The following EPS8 variants were observed in gnomAD, a reference collection of about 807,000 sequenced individuals.
EPS8 encodes EGFR pathway substrate 8, signaling adaptor, also known as epidermal growth factor receptor kinase substrate 8.
Under a neutral mutation model 103.8 loss-of-function variants are expected in EPS8, and 42 were observed. That is an observed-to-expected ratio of 0.40 (90% CI 0.32 to 0.52). The LOEUF is 0.52. Ranked by LOEUF, EPS8 falls within the 20% of genes least tolerant of loss-of-function variation. EPS8 has a pLI of 0.40. For synonymous variants in EPS8, 344 were observed against 344.6 expected (o/e 1.00, Z 0.02); for missense variants, 969 against 1,005.1 (o/e 0.96, Z 0.49).
At chr12:15,707,185 C>T (rs1946398566) in intron 1 of EPS8, among the ~76,000 whole-genome samples, 1 of 152,138 alleles carries the variant, frequency 6.6e-6, no homozygotes. Context: ...CTTTTTTCTT[C>T]ATGGTATGTA....
intron 3 of EPS8, among the ~76,000 whole-genome samples, chr12:15,676,104 C>G: frequency 6.6e-6 from 1 of 151,826 alleles, no homozygotes; most frequent in East Asian, 1.9e-4. Flanking sequence ...AACCCCGTCT[C>G]TATTAAAAAT....
At chr12:15,670,610 A>G (rs1945797978) in intron 4 of EPS8, among the ~76,000 whole-genome samples, 1 of 152,164 alleles carries the variant, frequency 6.6e-6, no homozygotes, top group African/African-American at 2.4e-5. Flanking sequence ...TTCTATTATA[A>G]GTGAAATAAG....
chr12:15,622,723 C>T (rs1944879920), intron 20 of EPS8, among the ~76,000 whole-genome samples: 1 of 151,658 alleles, frequency 6.6e-6, no homozygotes, highest in South Asian at 2.1e-4. Flanking sequence ...AGATGTATTA[C>T]TAGACCTAAC....
rs1947242478 is a variant in EPS8, at chr12:15,779,850, T to C, written c.-22+9311A>G. ...AGTTATTTTTTAGTACATTCCTAAA[T>C]AGTATGTTTCAGGTTCTGTTCAGAA... On this transcript the variant is annotated intron_variant, in intron 1 of 20. Coordinates refer to ENST00000281172, the MANE Select transcript of EPS8 (RefSeq NM_004447.6). This position sits in a 1 kb window ranked among gnomAD's most constrained non-coding sequence, Gnocchi z 4.3. Among the ~76,000 whole-genome samples the C allele has an allele frequency of 6.6e-6, 1 of 152,216 alleles. No homozygotes were observed. The highest frequency in any genetic ancestry group is 2.4e-5 in the African/African-American group (1 of 41,454).
At chr12:15,653,481 A>G (rs1945451033) in intron 13 of EPS8, among the ~76,000 whole-genome samples, 1 of 152,134 alleles carries the variant, frequency 6.6e-6, no homozygotes, top group Admixed American at 6.6e-5. Context: ...TCCATATTCC[A>G]GAGAAACACA....
chr12:15,731,720 T>C lies in EPS8; in HGVS notation c.-21-48748A>G, dbSNP rs1475825414. On this transcript the variant is annotated intron_variant, in intron 1 of 20. Transcript: ENST00000281172. This position sits in a 1 kb window ranked among gnomAD's most constrained non-coding sequence, Gnocchi z 5.1. ...TATTCTTGCATAAAAATATTTCATT[T>C]TGTCTTCGTGTAAGGGTCAATAATT... is the stretch of plus-strand genomic sequence containing the variant. Among the ~76,000 whole-genome samples, 1 of 152,344 alleles carries C rather than the reference T, an allele frequency of 6.6e-6. No homozygotes were observed. The highest frequency in any genetic ancestry group is 1.5e-5 in the Non-Finnish European group (1 of 68,030).
chr12:15,711,044 A>G (rs1946456457), intron 1 of EPS8, among the ~76,000 whole-genome samples: 1 of 145,356 alleles, frequency 6.9e-6, no homozygotes. Flanking sequence ...TTATTTATTT[A>G]TTTATTTATT....
At position 15,698,046 on chromosome 12, in the gene EPS8, A is replaced by G. The variant is rs980890246; in HGVS notation, c.-21-15074T>C. Among the ~76,000 whole-genome samples the G allele has an allele frequency of 1.3e-5, 2 of 152,208 alleles. No individual in the cohort carries two copies. The highest frequency in any genetic ancestry group is 1.3e-4 in the Admixed American group (2 of 15,278). On this transcript the variant is annotated intron_variant, in intron 1 of 20. Transcript: ENST00000281172. This position sits in a 1 kb window ranked among gnomAD's most constrained non-coding sequence, Gnocchi z 4.9. ...CAATAAAACTAGAATTGACACTCTT[A>G]TATCCAACTTTGAGGCAACATATGT...
intron 1 of EPS8, among the ~76,000 whole-genome samples, chr12:15,687,081 C>T (rs1670255543): frequency 6.6e-6 from 1 of 151,956 alleles, no homozygotes; most frequent in Admixed American, 6.6e-5. Flanking sequence ...TCCACCAATA[C>T]TTTGTGACAT....
chr12:15,734,643 G>C lies in EPS8; in HGVS notation c.-21-51671C>G, dbSNP rs1253648213. Among the ~76,000 whole-genome samples the C allele has an allele frequency of 3.9e-5, 6 of 152,060 alleles. No individual in the cohort carries two copies. Among genetic ancestry groups the C allele is most frequent in the Non-Finnish European group, 5.9e-5 (4 of 68,014 alleles). ...TGGGAGGCGGACCTTGCAGTGAGCC[G>C]AGATCGCGCCACTGTACTCCAGCCT... On this transcript the variant is annotated intron_variant, in intron 1 of 20. Coordinates refer to ENST00000281172, the MANE Select transcript of EPS8 (RefSeq NM_004447.6). This position sits in a 1 kb window ranked among gnomAD's most constrained non-coding sequence, Gnocchi z 4.1.
chr12:15,651,096 G>GCACACA, intron 13 of EPS8, 90 bp from the exon 14 acceptor site: 1 of 960,672 alleles, frequency 1.0e-6, no homozygotes, highest in African/African-American at 1.6e-5. Context: ...ACATACACAC[G>GCACACA]CACACACACA....
intron 1 of EPS8, among the ~76,000 whole-genome samples, chr12:15,768,526 C>G (rs1223161563): frequency 2.7e-5 from 4 of 146,338 alleles, no homozygotes; most frequent in Non-Finnish European, 4.5e-5. Flanking sequence ...GTAGTATTTA[C>G]TAAATATTAA....
rs1267720150 is a variant in EPS8, at chr12:15,769,302, T to C, written c.-22+19859A>G. ...ATATGTCATTCTTTCATTATTAACATAAAATTGTAACTCTACTTTTGCCAA... is the reference window on the plus strand; with the variant it reads ...ATATGTCATTCTTTCATTATTAACACAAAATTGTAACTCTACTTTTGCCAA... On this transcript the variant is annotated intron_variant, in intron 1 of 20. Coordinates refer to ENST00000281172, the MANE Select transcript of EPS8 (RefSeq NM_004447.6). This position sits in a 1 kb window ranked among gnomAD's most constrained non-coding sequence, Gnocchi z 4.6. 6.6e-6 allele frequency among the ~76,000 whole-genome samples: 1 copy of C among 152,198 alleles called. No individual in the cohort carries two copies. The highest frequency in any genetic ancestry group is 1.5e-5 in the Non-Finnish European group (1 of 68,036).
chr12:15,730,399 G>T (rs1010802308), intron 1 of EPS8, among the ~76,000 whole-genome samples: 1 of 152,096 alleles, frequency 6.6e-6, no homozygotes, highest in Non-Finnish European at 1.5e-5. Context: ...ATAAAAGCAT[G>T]ACTTTTTTTT....
At chr12:15,626,342 A>ATT (rs1450626676) in intron 18 of EPS8, among the ~76,000 whole-genome samples, 1 of 152,078 alleles carries the variant, frequency 6.6e-6, no homozygotes, top group Non-Finnish European at 1.5e-5. Flanking sequence ...GATTCTTTTA[A>ATT]AATGTAAGTC....
intron 8 of EPS8, 178 bp downstream of exon 8, chr12:15,665,578 G>A (rs1302193700): frequency 9.3e-6 from 6 of 646,000 alleles, no homozygotes; most frequent in Admixed American, 3.1e-5. Flanking sequence ...TGATCCGCCC[G>A]CCTCGGCCTC....
At chr12:15,669,948 A>C in intron 4 of EPS8, 123 bp from the exon 5 acceptor site, 1 of 636,856 alleles carries the variant, frequency 1.6e-6, no homozygotes, top group Non-Finnish European at 2.5e-6. Context: ...GACAAACACA[A>C]AGTACTCTTA....
chr12:15,624,549 G>A (rs746758413), intron 18 of EPS8, 142 bp from the exon 19 acceptor site: 55 of 572,680 alleles, frequency 9.6e-5, no homozygotes, highest in African/African-American at 3.6e-4. Flanking sequence ...TTTTATCCTC[G>A]CCTGGTATAA....
chr12:15,784,559 A>T lies in EPS8; in HGVS notation c.-22+4602T>A, dbSNP rs1201597674. Among the ~76,000 whole-genome samples the T allele has an allele frequency of 2.6e-5, 4 of 152,174 alleles. No homozygotes were observed. Among genetic ancestry groups the T allele is most frequent in the African/African-American group, 9.6e-5 (4 of 41,474 alleles). The stretch of plus-strand genomic sequence containing the variant: ...CTGGTGAGAATGTAATAGTACAGCC[A>T]CTTCGGAAAACAGTTTGGCAATTTC... On this transcript the variant is annotated intron_variant, in intron 1 of 20. Coordinates refer to ENST00000281172, the MANE Select transcript of EPS8 (RefSeq NM_004447.6). The surrounding 1 kb of genome is among the most constrained non-coding windows in gnomAD (Gnocchi z 4.0).
Sources: allele counts gnomAD v4.1 joint callset (sites outside exome capture counted in the v4.1 genomes callset), GRCh38; gene constraint gnomAD v4.1.1; non-coding constraint Gnocchi (gnomAD v3.1); transcripts MANE v1.5; gene names NCBI Gene and HGNC (gene_info 2026-07-23, HGNC 2026-07-21).